PMEL: variants seen among roughly 807,000 people sequenced by gnomAD.
PMEL encodes the protein melanocyte protein PMEL.
PMEL carries 53 observed loss-of-function variants against 64.9 expected under a neutral mutation model. The ratio of observed to expected loss-of-function variants is 0.82; its 90% confidence interval spans 0.66 to 1.03. The LOEUF (loss-of-function observed/expected upper bound fraction) is 1.03. PMEL is among the 50% of genes least tolerant of loss of function. The pLI is 0.00. For missense variants in PMEL, 716 were observed against 814.9 expected, an observed-to-expected ratio of 0.88 and a Z score of 1.48; for synonymous variants, 299 against 316.2, an observed-to-expected ratio of 0.95 and a Z score of 0.58.
intron 1 of PMEL, among the ~76,000 whole-genome samples, chr12:55,964,789 C>G (rs553739735): frequency 6.6e-6 from 1 of 151,830 alleles, no homozygotes; most frequent in Non-Finnish European, 1.5e-5. Context: ...CCATGCCCAG[C>G]TAATTTTTGT....
chr12:55,964,531 C>T (rs1889214866), intron 1 of PMEL, among the ~76,000 whole-genome samples: 2 of 152,134 alleles, frequency 1.3e-5, no homozygotes, highest in Non-Finnish European at 2.9e-5. Context: ...GTCTTGAACT[C>T]CTGGGCTCAA....
intron 1 of PMEL, among the ~76,000 whole-genome samples, chr12:55,963,742 A>G (rs1565777892): frequency 6.6e-6 from 1 of 152,244 alleles, no homozygotes; most frequent in Non-Finnish European, 1.5e-5. Flanking sequence ...AGTCACATCA[A>G]GGAGAACTTC....
Position 55,955,623 on chromosome 12 carries a change from G to C in PMEL, c.1603C>G (p.Pro535Ala). Residue 535 changes from proline (P) to alanine (A), a missense_variant, in exon 9 of 11, where the codon CCC (proline) becomes GCC (alanine). By Grantham distance (27) the Pro-to-Ala change is conservative. Transcript: ENST00000548747. Reference sequence around the variant, plus strand: ...GGCTGGCACAGCCGCTGGGCAGGGGGCTGGCACCCTGGCGATGAGATCTCC... The same window carrying C: ...GGCTGGCACAGCCGCTGGGCAGGGGCCTGGCACCCTGGCGATGAGATCTCC... ...CMEISSPGCQPPAQRLCQPVL... is the reference protein window; with the variant it reads ...CMEISSPGCQAPAQRLCQPVL... The C allele has an allele frequency of 6.2e-7, 1 of 1,613,714 alleles. No homozygotes were observed. The highest frequency in any genetic ancestry group is 1.7e-5 in the Admixed American group (1 of 60,014).
chr12:55,957,787 C>T (rs1413260303), intron 5 of PMEL, 116 bp from the exon 6 acceptor site: 7 of 1,512,058 alleles, frequency 4.6e-6, no homozygotes, highest in Non-Finnish European at 6.2e-6. Context: ...CTAAGCCTCA[C>T]ATTTCTCTGC....
chr12:55,956,289 G>T, intron 6 of PMEL, 70 bp from the exon 7 acceptor site: 1 of 986,676 alleles, frequency 1.0e-6, no homozygotes, highest in Non-Finnish European at 1.6e-6. Flanking sequence ...GGCCAAGCAG[G>T]CATTTTTTCA....
intron 3 of PMEL, among the ~76,000 whole-genome samples, chr12:55,959,381 A>G (rs1805060373): frequency 6.8e-6 from 1 of 146,676 alleles, no homozygotes; most frequent in Admixed American, 6.7e-5. Context: ...AAGGACCCCG[A>G]CTTTAAAATA....
chr12:55,962,448 CAAAAAA>C (rs1197796228), intron 1 of PMEL, among the ~76,000 whole-genome samples: 1 of 37,528 alleles, frequency 2.7e-5, no homozygotes, highest in African/African-American at 7.8e-5. Flanking sequence ...GACTCCATCT[CAAAAAA>C]AAAAAAAAAA....
chr12:55,958,705 G>A, intron 3 of PMEL, 98 bp from the exon 4 acceptor site: 1 of 1,209,278 alleles, frequency 8.3e-7, no homozygotes, highest in African/African-American at 1.5e-5. Context: ...AGGGGCTCTG[G>A]GAATATTCCC....
In PMEL at chr12:55,961,635, A is replaced by C. The variant is rs952237925; in HGVS notation, c.174T>G (p.Leu58=). Residue 58 remains leucine, a synonymous_variant, in exon 2 of 11, where the codon CTT becomes CTG. Coordinates refer to ENST00000548747, the MANE Select transcript of PMEL (RefSeq NM_001384361.1). The stretch of plus-strand genomic sequence containing the variant: ...CCAAGTTCCTACCTCTCCAGCAGTC[A>C]AGTCTCTGGGCTTCTGTCCACTCTG... The part of the protein sequence containing the change: ...LYPEWTEAQR[L]DCWRGGQVSL... The C allele has an allele frequency of 1.2e-6, 2 of 1,613,518 alleles. No homozygotes were observed. Among genetic ancestry groups the C allele is most frequent in the Admixed American group, 3.3e-5 (2 of 59,972 alleles).
intron 10 of PMEL, 30 bp downstream of exon 10, chr12:55,955,244 G>C (rs1888814839): frequency 1.4e-6 from 2 of 1,445,440 alleles, no homozygotes; most frequent in Non-Finnish European, 1.9e-6. Flanking sequence ...AAGGGATAAG[G>C]GGGTCTGAGC....
rs562773367 is a variant in PMEL at position 55,961,689 on chromosome 12, T to C, written c.120A>G (p.Arg40=). The change falls in exon 2 of 11, where the codon AGA becomes AGG. Residue 40 remains arginine, a synonymous_variant. Transcript: ENST00000548747. ...QDWLGVSRQL[R]TKAWNRQLYP... ...ACAGCTGCCTGTTCCAGGCTTTGGT[T>C]CTGAGTTGCCTTGAGACACCAAGCC... is the stretch of plus-strand genomic sequence containing the variant. The C allele has an allele frequency of 1.2e-6, 2 of 1,614,150 alleles. No individual in the cohort carries two copies. Among genetic ancestry groups the C allele is most frequent in the East Asian group, 4.5e-5 (2 of 44,884 alleles).
Position 55,961,734 on chromosome 12 carries a change from T to C in PMEL, c.77-2A>G, listed in dbSNP as rs753132375. On this transcript the variant is annotated splice_acceptor_variant, in intron 1 of 10. Coordinates refer to ENST00000548747, the MANE Select transcript of PMEL (RefSeq NM_001384361.1). LOFTEE classifies it high-confidence loss of function. ...CAAGCCAGTCCTGGTTTCTGGGTAC[T>C]AAAAGGAATGTGCCATGAAGGGCCC... is the stretch of plus-strand genomic sequence containing the variant. The C allele has an allele frequency of 6.2e-7, 1 of 1,608,148 alleles. No individual in the cohort carries two copies. Among genetic ancestry groups the C allele is most frequent in the African/African-American group, 1.3e-5 (1 of 74,878 alleles).
Position 55,958,574 on chromosome 12 carries a change from G to A in PMEL, c.368C>T (p.Pro123Leu). ...GATGCAGGCATCGTCAGTTTCCTGG[G>A]GATACACTGGCTGTCCTCCCCACAC... ...SQVWGGQPVY[P>L]QETDDACIFP... The change falls in exon 4 of 11, where the codon CCC (proline) becomes CTC (leucine). Residue 123 changes from proline (P) to leucine (L), a missense_variant. Pro to Leu is a moderately conservative substitution (Grantham distance 98). Coordinates refer to ENST00000548747, the MANE Select transcript of PMEL (RefSeq NM_001384361.1). 6.2e-7 allele frequency: 1 copy of A among 1,614,022 alleles called. No homozygotes were observed. Among genetic ancestry groups the A allele is most frequent in the Non-Finnish European group, 8.5e-7 (1 of 1,179,938 alleles).
At position 55,954,284 on chromosome 12, in the gene PMEL, C is replaced by A; in HGVS notation, c.1916G>T (p.Arg639Leu). ...ACAAGAGCAGAAGATGCGGGGTAGACGCAGCCAGTGACTGCTGCTATGTGG... is the reference window on the plus strand; with the variant it reads ...ACAAGAGCAGAAGATGCGGGGTAGAAGCAGCCAGTGACTGCTGCTATGTGG... ...QLPHSSSHWL[R>L]LPRIFCSCPI... Residue 639 changes from arginine to leucine, a missense_variant, in exon 11 of 11, where the codon CGT becomes CTT. Physicochemically the swap from Arg to Leu is moderately radical, Grantham distance 102 (BLOSUM62 -2). Coordinates refer to ENST00000548747, the MANE Select transcript of PMEL (RefSeq NM_001384361.1). 6.2e-7 allele frequency: 1 copy of A among 1,613,876 alleles called. No homozygotes were observed. The highest frequency in any genetic ancestry group is 8.5e-7 in the Non-Finnish European group (1 of 1,179,804).
chr12:55,959,794 G>C (rs1889031075), intron 3 of PMEL, among the ~76,000 whole-genome samples: 1 of 152,118 alleles, frequency 6.6e-6, no homozygotes, highest in Non-Finnish European at 1.5e-5. Flanking sequence ...GACACAGCGA[G>C]ACTCTGTCTC....
At chr12:55,955,063 A>G (rs573904005) in intron 10 of PMEL, among the ~76,000 whole-genome samples, 1 of 152,322 alleles carries the variant, frequency 6.6e-6, no homozygotes, top group East Asian at 1.9e-4. Flanking sequence ...GTATTAGTTT[A>G]CCTACTTTTC....
Position 55,958,066 on chromosome 12 carries a change from A to G in PMEL, c.488T>C (p.Leu163Pro), listed in dbSNP as rs140775443. The change falls in exon 5 of 11, where the codon CTA (leucine) becomes CCA (proline). Residue 163 changes from leucine (L) to proline (P), a missense_variant. Coordinates refer to ENST00000548747, the MANE Select transcript of PMEL (RefSeq NM_001384361.1). ...WKTWGQYWQV[L>P]GGPVSGLSIG... ...GCTCAGCCCAGACACTGGGCCCCCT[A>G]GAACTTGCCAGTATTGGCCTGAAGT... The G allele has an allele frequency of 1.2e-5, 20 of 1,614,088 alleles. No homozygotes were observed. Among genetic ancestry groups the G allele is most frequent in the East Asian group, 2.2e-5 (1 of 44,878 alleles).
At chr12:55,959,445 GTA>G (rs754662000) in intron 3 of PMEL, among the ~76,000 whole-genome samples, 1 of 150,680 alleles carries the variant, frequency 6.6e-6, no homozygotes, top group Non-Finnish European at 1.5e-5. Context: ...GAAGATATAT[GTA>G]TATATATATA....
chr12:55,966,412 A>G (rs1398762712), upstream of PMEL: 1 of 195,958 alleles, frequency 5.1e-6, no homozygotes, highest in African/African-American at 2.4e-5. Flanking sequence ...GGCAGAGGCA[A>G]CGACTCCTCT....
Sources: gnomAD v4.1 joint callset for allele counts (sites outside exome capture counted in the v4.1 genomes callset) on GRCh38, gnomAD v4.1.1 for gene constraint, MANE v1.5 for transcripts, NCBI Gene and HGNC (gene_info 2026-07-23, HGNC 2026-07-21) for gene names.